Variants in FGF13 observed in about 807,000 individuals in gnomAD.
The protein encoded by FGF13 is fibroblast growth factor homologous factor 2.
FGF13 carries 2 observed loss-of-function variants against 19.5 expected under a neutral mutation model. The ratio of observed to expected loss-of-function variants is 0.10; its 90% CI spans 0.04 to 0.32. FGF13 has a LOEUF of 0.32. Among genes scored for constraint, FGF13 ranks in the 10% least tolerant of loss-of-function variants. The pLI is 1.00. For missense variants in FGF13, 113 were observed against 192.7 expected, an observed-to-expected ratio of 0.59 and a Z score of 2.45; for synonymous variants, 72 against 76.9, an observed-to-expected ratio of 0.94 and a Z score of 0.33.
intron 1 of FGF13, among the ~76,000 whole-genome samples, chrX:139,171,236 G>T (rs1010275713): frequency 1.8e-5 from 2 of 111,969 alleles, no homozygotes; most frequent in Non-Finnish European, 3.8e-5. Context: ...GAAAGAATAA[G>T]GATGCATTCT....
intron 1 of FGF13, among the ~76,000 whole-genome samples, chrX:139,022,300 G>A (rs774276925): frequency 2.1e-4 from 24 of 111,690 alleles, no homozygotes; most frequent in Non-Finnish European, 3.4e-4. Context: ...TCCAACCTTC[G>A]GTTACATAGC....
At chrX:138,681,082 G>A (rs1310593340) in intron 3 of FGF13, among the ~76,000 whole-genome samples, 2 of 106,547 alleles carry the variant, frequency 1.9e-5, no homozygotes, top group African/African-American at 3.4e-5. Flanking sequence ...GCTGAGGCAG[G>A]AGAATCTCTT....
intron 3 of FGF13, among the ~76,000 whole-genome samples, chrX:138,664,926 C>T (rs778388912): frequency 9.0e-6 from 1 of 111,161 alleles, no homozygotes; most frequent in Non-Finnish European, 1.9e-5. Context: ...CAATTTTATA[C>T]CTATGTTGTT....
intron 1 of FGF13, among the ~76,000 whole-genome samples, chrX:138,873,306 G>T (rs1299963304): frequency 9.0e-6 from 1 of 111,277 alleles, no homozygotes; most frequent in Non-Finnish European, 1.9e-5. Flanking sequence ...GTGCCGGTTT[G>T]GTCCTTCACA....
chrX:138,756,351 CAA>C (rs1440684563), intron 3 of FGF13, among the ~76,000 whole-genome samples: 1 of 112,205 alleles, frequency 8.9e-6, no homozygotes. Flanking sequence ...CTGGAGAAGC[CAA>C]ACTAGTCACT....
At chrX:138,850,841 T>A (rs774493378) in intron 3 of FGF13, among the ~76,000 whole-genome samples, 2 of 111,902 alleles carry the variant, frequency 1.8e-5, no homozygotes, top group South Asian at 7.5e-4. Flanking sequence ...CACCGAAATA[T>A]TAAGCCCAGC....
chrX:138,671,704 T>G (rs960440207), intron 3 of FGF13, among the ~76,000 whole-genome samples: 5 of 111,132 alleles, frequency 4.5e-5, no homozygotes, highest in Non-Finnish European at 9.4e-5. Flanking sequence ...GCCAAAAAAT[T>G]TATACTCTAC....
chrX:138,657,563 C>T (rs757244211), intron 3 of FGF13, among the ~76,000 whole-genome samples: 6 of 111,983 alleles, frequency 5.4e-5, no homozygotes, highest in Non-Finnish European at 9.4e-5. Flanking sequence ...CAATATTATA[C>T]AATCATATTG....
At chrX:138,747,199 G>A (rs966843907) in intron 3 of FGF13, among the ~76,000 whole-genome samples, 1 of 111,740 alleles carries the variant, frequency 8.9e-6, no homozygotes, top group African/African-American at 3.3e-5. Context: ...CAAGATAGGA[G>A]GCCAAACGAA....
chrX:138,802,790 C>T (rs1215974594), intron 3 of FGF13, among the ~76,000 whole-genome samples: 4 of 111,265 alleles, frequency 3.6e-5, no homozygotes, highest in Non-Finnish European at 5.6e-5. Flanking sequence ...ACATGCTCTT[C>T]CTTGTTGGTC....
intron 1 of FGF13, among the ~76,000 whole-genome samples, chrX:138,909,887 A>G (rs1213119026): frequency 1.8e-5 from 2 of 111,734 alleles, no homozygotes; most frequent in South Asian, 3.8e-4. Flanking sequence ...TGGCATGCAC[A>G]TGAGCAGGAG....
rs1431813698 is a variant in FGF13, at chrX:138,783,723, T to G, written c.217+73789A>C. ...CACTTTTACACTGTTGGTGGGACTG[T>G]CAACTAGTTCAACCATTGTGGAAGT... is the stretch of plus-strand genomic sequence containing the variant. On this transcript the variant is annotated intron_variant, in intron 3 of 6. Transcript: ENST00000436198. Among the ~76,000 whole-genome samples the G allele has an allele frequency of 6.6e-5, 7 of 105,854 alleles. No homozygotes were observed. In the South Asian group the frequency reaches 2.3e-3, roughly 34 times the overall value. The allele number at this position is 105,854 out of a possible 115,157, so 91.9% of individuals were successfully genotyped here.
intron 3 of FGF13, among the ~76,000 whole-genome samples, chrX:138,778,348 C>T (rs1043757925): frequency 4.5e-5 from 5 of 111,618 alleles, no homozygotes; most frequent in Non-Finnish European, 9.4e-5. Flanking sequence ...CGGTCTACAG[C>T]TCCCAGCATG....
chrX:139,079,473 A>G (rs904221167), intron 1 of FGF13, among the ~76,000 whole-genome samples: 3 of 111,523 alleles, frequency 2.7e-5, no homozygotes, highest in Non-Finnish European at 3.8e-5. Flanking sequence ...AATATATATT[A>G]TGAGCCCAGA....
chrX:139,192,782 T>C (rs1569463056), intron 1 of FGF13, among the ~76,000 whole-genome samples: 1 of 111,603 alleles, frequency 9.0e-6, no homozygotes, highest in Non-Finnish European at 1.9e-5. Flanking sequence ...CCAGCTTGAC[T>C]CATTAGTAAT....
chrX:138,669,207 T>C (rs1384339793), intron 3 of FGF13, among the ~76,000 whole-genome samples: 1 of 110,339 alleles, frequency 9.1e-6, no homozygotes, highest in African/African-American at 3.3e-5. Context: ...AATTGATGTA[T>C]CTAGGTCCCC....
At chrX:138,933,281 T>A (rs1047876967) in intron 1 of FGF13, among the ~76,000 whole-genome samples, 8 of 111,851 alleles carry the variant, frequency 7.2e-5, no homozygotes, top group African/African-American at 2.6e-4. Context: ...GCATACTAAT[T>A]TTTTAAGAAA....
chrX:139,114,316 G>A (rs377144400), intron 1 of FGF13, among the ~76,000 whole-genome samples: 40 of 112,154 alleles, frequency 3.6e-4, no homozygotes, highest in Non-Finnish European at 6.2e-4. Context: ...TCAAACACAC[G>A]GATAGACTCA....
intron 1 of FGF13, among the ~76,000 whole-genome samples, chrX:139,081,581 A>G (rs778788224): frequency 2.8e-4 from 31 of 111,561 alleles, no homozygotes; most frequent in African/African-American, 1.0e-3. Flanking sequence ...TCTGCATTCT[A>G]ATTTGCATCT....
Sources: gnomAD v4.1 joint callset for allele counts (sites outside exome capture counted in the v4.1 genomes callset) on GRCh38, gnomAD v4.1.1 for gene constraint, MANE v1.5 for transcripts, NCBI Gene and HGNC (gene_info 2026-07-23, HGNC 2026-07-21) for gene names.